The following PDLIM5 variants were observed in gnomAD, a reference collection of about 807,000 sequenced individuals.
PDLIM5 encodes PDZ and LIM domain 5.
A neutral mutation model predicts 64.2 loss-of-function variants in PDLIM5; 34 were observed. The ratio of observed to expected loss-of-function variants is 0.53; its 90% CI spans 0.40 to 0.71. The LOEUF (loss-of-function observed/expected upper bound fraction) is 0.71. Ranked by LOEUF, PDLIM5 falls within the 30% of genes least tolerant of loss-of-function variation. The pLI, the probability that PDLIM5 is intolerant of heterozygous loss-of-function variation, is 0.00. For synonymous variants in PDLIM5, 253 were observed against 269.1 expected, an observed-to-expected ratio of 0.94 and a Z score of 0.59; for missense variants, 683 against 733.6, an observed-to-expected ratio of 0.93 and a Z score of 0.80.
Position 94,637,005 on chromosome 4 carries a change from C to G in PDLIM5, c.1109-3271C>G, listed in dbSNP as rs540387371. ...CTATGGGCTTTACAGAATGGGAAAA[C>G]TATGAGTAGCAGTAGGAAAAGGGAC... is the stretch of plus-strand genomic sequence containing the variant. On this transcript the variant is annotated intron_variant, in intron 8 of 12. Coordinates refer to ENST00000317968, the MANE Select transcript of PDLIM5 (RefSeq NM_006457.5). Among the ~76,000 whole-genome samples, 10 of 152,100 alleles carry G rather than the reference C, an allele frequency of 6.6e-5. No homozygotes were observed. In the South Asian group the frequency reaches 2.1e-3, roughly 32 times the overall value.
At chr4:94,496,323 A>G (rs1352117037) in intron 2 of PDLIM5, among the ~76,000 whole-genome samples, 1 of 152,190 alleles carries the variant, frequency 6.6e-6, no homozygotes, top group Non-Finnish European at 1.5e-5. Context: ...GATGATCAGT[A>G]CAAGATTTTT....
intron 3 of PDLIM5, among the ~76,000 whole-genome samples, chr4:94,536,625 A>G (rs898955242): frequency 2.6e-5 from 4 of 152,196 alleles, no homozygotes; most frequent in South Asian, 2.1e-4. Context: ...GTTGTAGAGT[A>G]TGCCACTTTT....
At chr4:94,521,780 G>T (rs1208115451) in intron 2 of PDLIM5, among the ~76,000 whole-genome samples, 3 of 151,964 alleles carry the variant, frequency 2.0e-5, no homozygotes, top group African/African-American at 7.3e-5. Context: ...ATAGATTTCA[G>T]TGTTTCTGTT....
At position 94,624,169 on chromosome 4, in the gene PDLIM5, T is replaced by C. The variant is rs184408254; in HGVS notation, c.1108+5978T>C. Among the ~76,000 whole-genome samples, 382 of 148,858 alleles carry C rather than the reference T, an allele frequency of 2.6e-3. 1 individual carries two copies. The highest frequency in any genetic ancestry group is 4.7e-3 in the Non-Finnish European group (317 of 67,418). The stretch of plus-strand genomic sequence containing the variant: ...CCACAAATTAAAAAAAAAAAAGAAG[T>C]TGGCTGGGCATGGTGGTGCACGCCT... On this transcript the variant is annotated intron_variant, in intron 8 of 12. Transcript: ENST00000317968.
At position 94,542,337 on chromosome 4, in the gene PDLIM5, AAGT is replaced by A. The variant is rs1461847825; in HGVS notation, c.248+18464_248+18466del. 3.5e-5 allele frequency among the ~76,000 whole-genome samples: 3 copies of A among 84,736 alleles called. No individual in the cohort carries two copies. In the Admixed American group the frequency reaches 4.3e-4, roughly 12 times the overall value. The allele number at this position is 84,736 out of a possible 152,430, so 55.6% of individuals were successfully genotyped here. ...AAATAAATAAATAAATAAATAAAGTAAGTAAGTAAGTAAGTGGTCCCTCTTTGC... is the reference window on the plus strand; with the variant it reads ...AAATAAATAAATAAATAAATAAAGTAAAGTAAGTAAGTGGTCCCTCTTTGC... On this transcript the variant is annotated intron_variant, in intron 3 of 12. Transcript: ENST00000317968.
intron 7 of PDLIM5, among the ~76,000 whole-genome samples, chr4:94,591,288 A>AT (rs1272016954): frequency 2.6e-5 from 4 of 152,130 alleles, no homozygotes; most frequent in Non-Finnish European, 5.9e-5. Flanking sequence ...GGATCATAGC[A>AT]TTTTTTTCTT....
intron 9 of PDLIM5, among the ~76,000 whole-genome samples, chr4:94,653,708 T>C (rs1371197379): frequency 6.6e-6 from 1 of 152,190 alleles, no homozygotes; most frequent in Non-Finnish European, 1.5e-5. Flanking sequence ...ATTGTGCCCA[T>C]AATTAACAAT....
chr4:94,575,142 G>T (rs1735143179), intron 4 of PDLIM5, among the ~76,000 whole-genome samples: 1 of 151,854 alleles, frequency 6.6e-6, no homozygotes, highest in Admixed American at 6.6e-5. Flanking sequence ...TGAAACAAAT[G>T]ATTCCACTCT....
chr4:94,478,890 G>GTTTTTTTTTT (rs67013211), intron 2 of PDLIM5, among the ~76,000 whole-genome samples: 5 of 94,124 alleles, frequency 5.3e-5, no homozygotes, highest in African/African-American at 2.2e-4. Context: ...TGTGCTTGGT[G>GTTTTTTTTTT]TTTTTTTTTT....
intron 2 of PDLIM5, among the ~76,000 whole-genome samples, chr4:94,498,845 A>AT (rs1198641643): frequency 6.6e-6 from 1 of 152,226 alleles, no homozygotes; most frequent in African/African-American, 2.4e-5. Flanking sequence ...AGGCAATTAA[A>AT]TTTTTTTATA....
At chr4:94,491,999 C>T (rs1417912345) in intron 2 of PDLIM5, among the ~76,000 whole-genome samples, 1 of 151,832 alleles carries the variant, frequency 6.6e-6, no homozygotes, top group Non-Finnish European at 1.5e-5. Context: ...ACTTATTTCT[C>T]CTGTCTGTCT....
chr4:94,648,929 T>C (rs965457941), intron 9 of PDLIM5, among the ~76,000 whole-genome samples: 2 of 152,162 alleles, frequency 1.3e-5, no homozygotes, highest in African/African-American at 4.8e-5. Flanking sequence ...TGTCTTTTGA[T>C]TAACAGTATC....
At chr4:94,472,360 C>A (rs1724958760) in intron 2 of PDLIM5, among the ~76,000 whole-genome samples, 1 of 152,162 alleles carries the variant, frequency 6.6e-6, no homozygotes, top group African/African-American at 2.4e-5. Flanking sequence ...ATTAGACATT[C>A]TTTCCACAGT....
chr4:94,582,711 C>A (rs1380277097), intron 5 of PDLIM5: 3 of 1,573,382 alleles, frequency 1.9e-6, no homozygotes, highest in Non-Finnish European at 2.6e-6. Context: ...GTTATTCTTC[C>A]CTCAGTAACC....
At chr4:94,558,023 G>T (rs927884118) in intron 3 of PDLIM5, among the ~76,000 whole-genome samples, 9 of 152,130 alleles carry the variant, frequency 5.9e-5, no homozygotes, top group Non-Finnish European at 1.2e-4. Context: ...TGCCCATTCA[G>T]TATGATATTG....
chr4:94,561,853 A>G (rs900942183), intron 3 of PDLIM5, among the ~76,000 whole-genome samples: 1 of 152,230 alleles, frequency 6.6e-6, no homozygotes, highest in African/African-American at 2.4e-5. Flanking sequence ...CACTTGCTAC[A>G]GGATGTTATT....
chr4:94,513,415 A>C, intron 2 of PDLIM5, among the ~76,000 whole-genome samples: 1 of 152,110 alleles, frequency 6.6e-6, no homozygotes, highest in East Asian at 1.9e-4. Context: ...TTTCATCAGC[A>C]TTTTATAGTT....
rs148409775 is a variant in PDLIM5, at chr4:94,640,299, A to T, written c.1132A>T (p.Asn378Tyr). The T allele has an allele frequency of 2.5e-6, 4 of 1,609,214 alleles. No individual in the cohort carries two copies. In the South Asian group the frequency reaches 3.3e-5, roughly 13 times the overall value. The change falls in exon 9 of 13, where the codon AAC becomes TAC. Residue 378 changes from asparagine (N) to tyrosine (Y), a missense_variant. By Grantham distance (143) the Asn-to-Tyr change is moderately radical. Coordinates refer to ENST00000317968, the MANE Select transcript of PDLIM5 (RefSeq NM_006457.5). ...AGTACCTTCCACTGGAAGAATCTCA[A>T]ACAGCGCTACTTACTCAGGATCAGT... ...QGVPSTGRISNSATYSGSVAP... is the reference protein window; with the variant it reads ...QGVPSTGRISYSATYSGSVAP...
chr4:94,558,018 A>G (rs1386661782), intron 3 of PDLIM5, among the ~76,000 whole-genome samples: 2 of 152,172 alleles, frequency 1.3e-5, no homozygotes, highest in Admixed American at 6.5e-5. Context: ...GTTTTTGCCC[A>G]TTCAGTATGA....
Sources: allele counts gnomAD v4.1 joint callset (sites outside exome capture counted in the v4.1 genomes callset), GRCh38; gene constraint gnomAD v4.1.1; transcripts MANE v1.5; gene names NCBI Gene and HGNC (gene_info 2026-07-23, HGNC 2026-07-21).